The following LRRC14B variants were observed in gnomAD, a reference collection of about 807,000 sequenced individuals.
LRRC14B encodes leucine rich repeat containing 14B.
LRRC14B carries 23 observed loss-of-function variants against 16.9 expected under a neutral mutation model. The observed-to-expected ratio is 1.36, with a 90% CI of 0.98 to 1.92. The LOEUF is 1.92. Among genes scored for constraint, LRRC14B ranks in the 30% most tolerant of loss-of-function variants. The pLI is 0.00. For missense variants in LRRC14B, 766 were observed against 705.7 expected (o/e 1.09, Z -0.97); for synonymous variants, 358 against 332.5 (o/e 1.08, Z -0.83).
Position 192,340 on chromosome 5 carries a change from CTCGCCTCCA to C in LRRC14B, c.808_816del (p.Ser270_Ala272del). On this transcript the variant is annotated inframe_deletion, in exon 1 of 2. Transcript: ENST00000328278. ...CACTCCCGACGGCGAGGACCCCCTC[CTCGCCTCCA>C]TCGCCCGGGAGCTCAGCAAGATGGC... 1.3e-6 allele frequency: 2 copies of C among 1,597,222 alleles called. No individual in the cohort carries two copies. The highest frequency in any genetic ancestry group is 1.7e-6 in the Non-Finnish European group (2 of 1,172,938).
At position 192,319 on chromosome 5, in the gene LRRC14B, C is replaced by A. The variant is rs961128806; in HGVS notation, c.781C>A (p.Pro261Thr). The A allele has an allele frequency of 6.9e-6, 11 of 1,599,496 alleles. No individual in the cohort carries two copies. The East Asian group carries it at 2.5e-4, about 37-fold the overall frequency. The stretch of plus-strand genomic sequence containing the variant: ...TGCACCCCCCACCTACGCCTCCACT[C>A]CCGACGGCGAGGACCCCCTCCTCGC... ...FDAPPTYAST[P>T]DGEDPLLASI... is the part of the protein sequence containing the mutation. The change falls in exon 1 of 2, where the codon CCC (proline) becomes ACC (threonine). Residue 261 changes from proline to threonine, a missense_variant. Pro to Thr is a conservative substitution (Grantham distance 38). Coordinates refer to ENST00000328278, the MANE Select transcript of LRRC14B (RefSeq NM_001080478.3).
intron 1 of LRRC14B, 119 bp downstream of exon 1, chr5:192,556 G>A (rs1375924897): frequency 8.2e-6 from 9 of 1,103,436 alleles, no homozygotes; most frequent in Non-Finnish European, 8.4e-6. Context: ...CTCTCACTCC[G>A]GGTGTGGCCA....
At chr5:194,070 GGCTGT>G (rs1733862599) in intron 1 of LRRC14B, among the ~76,000 whole-genome samples, 2 of 152,118 alleles carry the variant, frequency 1.3e-5, no homozygotes, top group South Asian at 4.1e-4. Flanking sequence ...GTGAGTCAAA[GGCTGT>G]ACTGGAAGCC....
intron 1 of LRRC14B, among the ~76,000 whole-genome samples, chr5:193,670 T>C (rs1223570070): frequency 6.7e-6 from 1 of 148,382 alleles, no homozygotes; most frequent in Non-Finnish European, 1.5e-5. Context: ...TCCTGAGGGA[T>C]AGAGGTGCCC....
In LRRC14B at chr5:191,566, A is replaced by C. The variant is rs1350804882; in HGVS notation, c.28A>C (p.Ile10Leu). The C allele has an allele frequency of 6.2e-7, 1 of 1,612,114 alleles. No individual in the cohort carries two copies. Among genetic ancestry groups the C allele is most frequent in the African/African-American group, 1.3e-5 (1 of 74,890 alleles). MDTMRSLRF[I>L]SAEALVSHPQ... ...GGACACAATGAGGTCACTCCGCTTCATTTCTGCAGAAGCTCTGGTGTCCCA... is the reference window on the plus strand; with the variant it reads ...GGACACAATGAGGTCACTCCGCTTCCTTTCTGCAGAAGCTCTGGTGTCCCA... Residue 10 changes from isoleucine to leucine, a missense_variant, in exon 1 of 2, where the codon ATT becomes CTT. Physicochemically the swap from Ile to Leu is conservative, Grantham distance 5. Transcript: ENST00000328278.
At position 195,158 on chromosome 5, in the gene LRRC14B, A is replaced by C; in HGVS notation, c.1350A>C (p.Lys450Asn). The change falls in exon 2 of 2, where the codon AAA (lysine) becomes AAC (asparagine). Residue 450 changes from lysine (K) to asparagine (N), a missense_variant. Physicochemically the swap from Lys to Asn is moderately conservative, Grantham distance 94. Coordinates refer to ENST00000328278, the MANE Select transcript of LRRC14B (RefSeq NM_001080478.3). ...CCATGTCCAAGTTCAACCAGCAGAA[A>C]TACGACGAGATCGCCGAGGAGCTGC... ...ELAMSKFNQQKYDEIAEELRA... is the reference protein window; with the variant it reads ...ELAMSKFNQQNYDEIAEELRA... The C allele has an allele frequency of 3.1e-6, 5 of 1,613,962 alleles. No individual in the cohort carries two copies. The highest frequency in any genetic ancestry group is 4.2e-6 in the Non-Finnish European group (5 of 1,179,906).
At chr5:192,608 A>C (rs1733829786) in intron 1 of LRRC14B, among the ~76,000 whole-genome samples, 171 bp downstream of exon 1, 1 of 152,134 alleles carries the variant, frequency 6.6e-6, no homozygotes, top group Non-Finnish European at 1.5e-5. Flanking sequence ...AAGAGCACCG[A>C]AAGTCAGAGC....
chr5:191,665 C>A lies in LRRC14B; in HGVS notation c.127C>A (p.Leu43Met). 1 of 1,607,016 alleles carries A rather than the reference C, an allele frequency of 6.2e-7. No individual in the cohort carries two copies. The highest frequency in any genetic ancestry group is 1.1e-5 in the South Asian group (1 of 89,818). Residue 43 changes from leucine (L) to methionine (M), a missense_variant, in exon 1 of 2, where the codon CTG becomes ATG. Physicochemically the swap from Leu to Met is conservative, Grantham distance 15. Coordinates refer to ENST00000328278, the MANE Select transcript of LRRC14B (RefSeq NM_001080478.3). ...CCCACTCCTGTTCAAAGCCAGCTACCTGCTGGAGCAGGCGGAGGTGACGCG... is the reference window on the plus strand; with the variant it reads ...CCCACTCCTGTTCAAAGCCAGCTACATGCTGGAGCAGGCGGAGGTGACGCG... ...LYPLLFKASY[L>M]LEQAEVTRAV...
In LRRC14B at chr5:195,327, T is replaced by C; in HGVS notation, c.1519T>C (p.Ser507Pro). ...TTTCAAAACTGCTCTAGAAAACTTC[T>C]CCAGAGCACTCAAACAAATAGAGTA... is the stretch of plus-strand genomic sequence containing the variant. ...QAFKTALENF[S>P]RALKQIE The change falls in exon 2 of 2, where the codon TCC (serine) becomes CCC (proline). Residue 507 changes from serine (S) to proline (P), a missense_variant. Ser to Pro is a moderately conservative substitution (Grantham distance 74). Coordinates refer to ENST00000328278, the MANE Select transcript of LRRC14B (RefSeq NM_001080478.3). The C allele has an allele frequency of 1.2e-6, 2 of 1,604,358 alleles. No individual in the cohort carries two copies. The highest frequency in any genetic ancestry group is 2.7e-5 in the African/African-American group (2 of 75,000).
rs1046475348 is a variant in LRRC14B, at chr5:196,159, C to G, written c.*806C>G. The G allele has an allele frequency of 4.5e-4, 68 of 152,348 alleles. No homozygotes were observed. Among genetic ancestry groups the G allele is most frequent in the African/African-American group, 1.6e-3 (68 of 41,568 alleles). 9.4% of individuals were successfully genotyped at this position (152,348 alleles called of 1,614,324 possible). ...TGTCCTGCGGGGCTTGAGGCTTAGA[C>G]TGACGGGAGCTATTCCGGGTGTTTA... is the stretch of plus-strand genomic sequence containing the variant. On this transcript the variant is annotated 3_prime_UTR_variant, in exon 2 of 2. Transcript: ENST00000328278.
intron 1 of LRRC14B, among the ~76,000 whole-genome samples, chr5:192,959 G>A (rs1209333350): frequency 6.6e-6 from 1 of 152,200 alleles, no homozygotes; most frequent in Non-Finnish European, 1.5e-5. Flanking sequence ...TGGTGGGACA[G>A]GAGGCTTATG....
chr5:194,448 G>T (rs150337546), intron 1 of LRRC14B, among the ~76,000 whole-genome samples: 1 of 152,314 alleles, frequency 6.6e-6, no homozygotes, highest in East Asian at 1.9e-4. Flanking sequence ...AACACTAAGC[G>T]AATGCACGTG....
At chr5:192,536 G>A (rs1358307508) in intron 1 of LRRC14B, 99 bp downstream of exon 1, 3 of 1,239,836 alleles carry the variant, frequency 2.4e-6, no homozygotes, top group Non-Finnish European at 2.1e-6. Flanking sequence ...GAGGCTACAC[G>A]GCCTCCAGCC....
rs1733913314 is a variant in LRRC14B at position 196,068 on chromosome 5, A to C, written c.*715A>C. On this transcript the variant is annotated 3_prime_UTR_variant, in exon 2 of 2. Transcript: ENST00000328278. ...CGTCCGCTGAAGAGCCGCCTGGACC[A>C]GGGCGGTCAGCGCTGCGGGGAGGCC... 6.5e-6 allele frequency: 1 copy of C among 152,904 alleles called. No homozygotes were observed. The highest frequency in any genetic ancestry group is 6.5e-5 in the Admixed American group (1 of 15,354). 9.5% of individuals were successfully genotyped at this position (152,904 alleles called of 1,614,324 possible).
intron 1 of LRRC14B, among the ~76,000 whole-genome samples, chr5:192,738 A>T (rs1411842453): frequency 6.6e-6 from 1 of 152,212 alleles, no homozygotes; most frequent in Non-Finnish European, 1.5e-5. Flanking sequence ...TGGTGTGAGG[A>T]GTTGTCTATT....
In LRRC14B at chr5:194,781, G is replaced by A; in HGVS notation, c.973G>A (p.Ala325Thr). The change falls in exon 2 of 2, where the codon GCA becomes ACA. Residue 325 changes from alanine to threonine, a missense_variant. Physicochemically the swap from Ala to Thr is moderately conservative, Grantham distance 58 (BLOSUM62 0). Coordinates refer to ENST00000328278, the MANE Select transcript of LRRC14B (RefSeq NM_001080478.3). ...ALNHTDMAFL[A>T]DCAHAAHLEV... ...GAACCACACGGACATGGCCTTCTTG[G>A]CAGACTGTGCCCACGCTGCCCACCT... 1 of 1,613,104 alleles carries A rather than the reference G, an allele frequency of 6.2e-7. No individual in the cohort carries two copies. Among genetic ancestry groups the A allele is most frequent in the Non-Finnish European group, 8.5e-7 (1 of 1,179,566 alleles).
At chr5:193,254 G>GTGA (rs900136581) in intron 1 of LRRC14B, among the ~76,000 whole-genome samples, 1 of 149,130 alleles carries the variant, frequency 6.7e-6, no homozygotes, top group African/African-American at 2.5e-5. Context: ...GGGTCACCGG[G>GTGA]TGATGGGTCC....
In LRRC14B at chr5:192,408, G is replaced by T. The variant is rs768131016; in HGVS notation, c.870G>T (p.Thr290=). The change falls in exon 1 of 2, where the codon ACG becomes ACT. Residue 290 remains threonine (T), a synonymous_variant. Transcript: ENST00000328278. ...CTGAGCTCAGTGTGGCCTTCTCCACGCTGACCGGGAAGATCCCGACGCTGC... is the reference window on the plus strand; with the variant it reads ...CTGAGCTCAGTGTGGCCTTCTCCACTCTGACCGGGAAGATCCCGACGCTGC... ...QLTELSVAFS[T]LTGKIPTLLG... 1 of 1,555,836 alleles carries T rather than the reference G, an allele frequency of 6.4e-7. No homozygotes were observed. The highest frequency in any genetic ancestry group is 1.7e-4 in the Middle Eastern group (1 of 5,848).
Position 195,315 on chromosome 5 carries a change from C to A in LRRC14B, c.1507C>A (p.Leu503Ile). The change falls in exon 2 of 2, where the codon CTA becomes ATA. Residue 503 changes from leucine (L) to isoleucine (I), a missense_variant. Coordinates refer to ENST00000328278, the MANE Select transcript of LRRC14B (RefSeq NM_001080478.3). The part of the protein sequence containing the change: ...AFLLQAFKTA[L>I]ENFSRALKQI... The stretch of plus-strand genomic sequence containing the variant: ...CTTGCTGCAAGCTTTCAAAACTGCT[C>A]TAGAAAACTTCTCCAGAGCACTCAA... 6.2e-7 allele frequency: 1 copy of A among 1,607,030 alleles called. No individual in the cohort carries two copies. The highest frequency in any genetic ancestry group is 1.1e-5 in the South Asian group (1 of 91,066).
Sources: allele counts gnomAD v4.1 joint callset (sites outside exome capture counted in the v4.1 genomes callset), GRCh38; gene constraint gnomAD v4.1.1; transcripts MANE v1.5; gene names NCBI Gene and HGNC (gene_info 2026-07-23, HGNC 2026-07-21).